PKHD1: variants seen among roughly 807,000 people sequenced by gnomAD.
PKHD1 encodes fibrocystin.
A neutral mutation model predicts 412.0 loss-of-function variants in PKHD1; 291 were observed. That is an observed-to-expected ratio of 0.71 (90% CI 0.64 to 0.78). PKHD1 has a LOEUF of 0.78. PKHD1 is among the 30% of genes least tolerant of loss of function. The pLI, the probability that PKHD1 is intolerant of heterozygous loss-of-function variation, is 0.00. For missense variants in PKHD1, 4,825 were observed against 4,950.7 expected (o/e 0.97, Z 0.76); for synonymous variants, 1,777 against 1,821.5 (o/e 0.98, Z 0.62).
rs200986136 is a variant in PKHD1 at position 52,033,153 on chromosome 6, G to A, written c.3241C>T (p.Arg1081Cys). 1.7e-4 allele frequency: 273 copies of A among 1,612,286 alleles called. 1 individual carries two copies. The highest frequency in any genetic ancestry group is 4.0e-4 in the East Asian group (18 of 44,846). The change falls in exon 29 of 67, where the codon CGC becomes TGC. Residue 1081 changes from arginine (R) to cysteine (C), a missense_variant. Physicochemically the swap from Arg to Cys is radical, Grantham distance 180 (BLOSUM62 -3). Transcript: ENST00000371117. ...CTGATCACAGTCACATTCACAATGCGTCCATCTTTCCCCTGAAAAATCAAT... is the reference window on the plus strand; with the variant it reads ...CTGATCACAGTCACATTCACAATGCATCCATCTTTCCCCTGAAAAATCAAT... ...CKVPPRGKDG[R>C]IVNVTVIRGD...
chr6:52,034,881 A>G (rs1803688138), intron 28 of PKHD1, among the ~76,000 whole-genome samples: 1 of 152,216 alleles, frequency 6.6e-6, no homozygotes, highest in Admixed American at 6.5e-5. Flanking sequence ...TAGTGATCAA[A>G]GAATATTTTG....
chr6:51,794,792 G>C (rs886666051), intron 52 of PKHD1, among the ~76,000 whole-genome samples: 1 of 152,114 alleles, frequency 6.6e-6, no homozygotes, highest in African/African-American at 2.4e-5. Context: ...TTCCCCCACT[G>C]CTTGTTTTTT....
At chr6:51,695,376 C>T (rs1332815282) in intron 60 of PKHD1, among the ~76,000 whole-genome samples, 1 of 152,118 alleles carries the variant, frequency 6.6e-6, no homozygotes, top group African/African-American at 2.4e-5. Flanking sequence ...GCACTTAATA[C>T]TGTTATTCCT....
At chr6:51,862,116 G>A (rs552157656) in intron 48 of PKHD1, among the ~76,000 whole-genome samples, 1 of 152,302 alleles carries the variant, frequency 6.6e-6, no homozygotes, top group South Asian at 2.1e-4. Context: ...CTGTGATGGG[G>A]ATGACTGACA....
chr6:51,855,984 A>G lies in PKHD1; in HGVS notation c.7820T>C (p.Leu2607Ser). The G allele has an allele frequency of 1.2e-6, 2 of 1,610,862 alleles. No individual in the cohort carries two copies. Among genetic ancestry groups the G allele is most frequent in the South Asian group, 1.1e-5 (1 of 90,980 alleles). The change falls in exon 49 of 67, where the codon TTG (leucine) becomes TCG (serine). Residue 2607 changes from leucine to serine, a missense_variant. Physicochemically the swap from Leu to Ser is moderately radical, Grantham distance 145. Transcript: ENST00000371117. ...TTTVNYVRDT[L>S]SNPRGWMALL... ...AGCCATCCAGCCACGAGGGTTAGACAATGTATCACGTACATAATTGACAGT... is the reference window on the plus strand; with the variant it reads ...AGCCATCCAGCCACGAGGGTTAGACGATGTATCACGTACATAATTGACAGT...
chr6:52,049,882 G>T (rs557326731), intron 22 of PKHD1, among the ~76,000 whole-genome samples: 2 of 152,272 alleles, frequency 1.3e-5, no homozygotes, highest in South Asian at 4.1e-4. Context: ...TCAAAGCGTA[G>T]TCCCCAGACC....
At chr6:51,650,071 A>G (rs1770689757) in intron 61 of PKHD1, among the ~76,000 whole-genome samples, 3 of 152,184 alleles carry the variant, frequency 2.0e-5, no homozygotes, top group African/African-American at 7.2e-5. Flanking sequence ...TCCTACAAAT[A>G]GTAAGTGTTG....
intron 35 of PKHD1, among the ~76,000 whole-genome samples, chr6:51,984,627 G>C (rs1417722293): frequency 6.6e-6 from 1 of 152,202 alleles, no homozygotes; most frequent in Admixed American, 6.5e-5. Context: ...ATATCAGTAT[G>C]AAATTCAGAA....
Position 52,053,192 on chromosome 6 carries a change from T to C in PKHD1, c.2024A>G (p.Gln675Arg). Reference sequence around the variant, plus strand: ...CACTGGGGAGTTTGCCGGAGGGGGCTGGAGATCCCCGAAGCAACGCACACA... The same window carrying C: ...CACTGGGGAGTTTGCCGGAGGGGGCCGGAGATCCCCGAAGCAACGCACACA... Reference protein sequence around the residue: ...ETCVRCFGDLQPPPANSPVLV... With the variant: ...ETCVRCFGDLRPPPANSPVLV... The change falls in exon 21 of 67, where the codon CAG becomes CGG. Residue 675 changes from glutamine to arginine, a missense_variant. Coordinates refer to ENST00000371117, the MANE Select transcript of PKHD1 (RefSeq NM_138694.4). 2 of 1,614,166 alleles carry C rather than the reference T, an allele frequency of 1.2e-6. No individual in the cohort carries two copies. Among genetic ancestry groups the C allele is most frequent in the Non-Finnish European group, 1.7e-6 (2 of 1,180,002 alleles).
At chr6:51,635,819 A>T (rs1467380315) in intron 64 of PKHD1, among the ~76,000 whole-genome samples, 16 of 121,536 alleles carry the variant, frequency 1.3e-4, no homozygotes. Flanking sequence ...TGGCAACCAC[A>T]GGTAGAGTTT....
intron 52 of PKHD1, among the ~76,000 whole-genome samples, chr6:51,812,831 A>G (rs1764903337): frequency 6.6e-6 from 1 of 152,178 alleles, no homozygotes; most frequent in Non-Finnish European, 1.5e-5. Flanking sequence ...AAGGGTAGTC[A>G]CCTAAAGACT....
At chr6:51,849,640 G>A (rs1407977473) in intron 49 of PKHD1, among the ~76,000 whole-genome samples, 2 of 152,128 alleles carry the variant, frequency 1.3e-5, no homozygotes, top group Non-Finnish European at 2.9e-5. Flanking sequence ...TTTCTCTGAT[G>A]ATCAATGATG....
In PKHD1 at chr6:51,713,426, C is replaced by A. The variant is rs545227750; in HGVS notation, c.10156+30959G>T. Among the ~76,000 whole-genome samples, 8 of 152,316 alleles carry A rather than the reference C, an allele frequency of 5.3e-5. No homozygotes were observed. In the East Asian group the frequency reaches 1.5e-3, roughly 29 times the overall value. Reference sequence around the variant, plus strand: ...TGGCTTTGGATCATTTTCCTTGACTCCTCCTCCTCTACTCACTATGAAGCC... The same window carrying A: ...TGGCTTTGGATCATTTTCCTTGACTACTCCTCCTCTACTCACTATGAAGCC... On this transcript the variant is annotated intron_variant, in intron 60 of 66. Transcript: ENST00000371117.
intron 46 of PKHD1, among the ~76,000 whole-genome samples, chr6:51,874,917 G>T (rs1269693890): frequency 1.2e-5 from 1 of 84,792 alleles, no homozygotes; most frequent in African/African-American, 5.0e-5. Context: ...CACCGTGCGC[G>T]AGCCGAAGCA....
rs945815475 is a variant in PKHD1, at chr6:51,618,844, C to T, written c.*237G>A. The stretch of plus-strand genomic sequence containing the variant: ...AAAACTGGTAAATAATTAACAAGTG[C>T]CATTATTTGCCTAGCATTGAACTAG... On this transcript the variant is annotated 3_prime_UTR_variant, in exon 67 of 67. Transcript: ENST00000371117. 1.8e-6 allele frequency: 1 copy of T among 560,312 alleles called. No individual in the cohort carries two copies. The highest frequency in any genetic ancestry group is 3.2e-6 in the Non-Finnish European group (1 of 313,584). 34.7% of individuals were successfully genotyped at this position (560,312 alleles called of 1,614,324 possible).
intron 35 of PKHD1, among the ~76,000 whole-genome samples, chr6:51,968,996 T>A (rs895952548): frequency 6.6e-6 from 1 of 152,174 alleles, no homozygotes; most frequent in African/African-American, 2.4e-5. Flanking sequence ...ATGATTAGGT[T>A]ATGTTATATG....
chr6:51,661,060 AC>A (rs1286537709), intron 60 of PKHD1, among the ~76,000 whole-genome samples: 1 of 152,122 alleles, frequency 6.6e-6, no homozygotes, highest in Admixed American at 6.6e-5. Context: ...TATTCCTATC[AC>A]CCAGGAAATT....
Position 52,024,984 on chromosome 6 carries a change from T to G in PKHD1, c.4826A>C (p.Asp1609Ala). ...GTTCACCGTCAGGCAGGTCTGCTGG[T>G]CAATATAGACTGACGTGGTGTTCTG... ...RGQNTTSVYIDQQTCLTVNIG... is the reference protein window; with the variant it reads ...RGQNTTSVYIAQQTCLTVNIG... Residue 1609 changes from aspartate to alanine, a missense_variant, in exon 32 of 67, where the codon GAC becomes GCC. Transcript: ENST00000371117. 6.2e-7 allele frequency: 1 copy of G among 1,614,200 alleles called. No homozygotes were observed. The highest frequency in any genetic ancestry group is 1.1e-5 in the South Asian group (1 of 91,084).
rs1208378303 is a variant in PKHD1, at chr6:52,025,255, ATACCATCGGCTCATCAGC to A, written c.4537_4554del (p.Ala1513_Val1518del). 1.9e-6 allele frequency: 3 copies of A among 1,614,112 alleles called. No homozygotes were observed. Among genetic ancestry groups the A allele is most frequent in the Non-Finnish European group, 2.5e-6 (3 of 1,180,024 alleles). ...TTGCAAGGAAGTTGATCATCCACAA[ATACCATCGGCTCATCAGC>A]TGTGGTGGCTAACCTCTGACCCCTA... On this transcript the variant is annotated inframe_deletion, in exon 32 of 67. Transcript: ENST00000371117.
Sources: allele counts gnomAD v4.1 joint callset (sites outside exome capture counted in the v4.1 genomes callset), GRCh38; gene constraint gnomAD v4.1.1; transcripts MANE v1.5; gene names NCBI Gene and HGNC (gene_info 2026-07-23, HGNC 2026-07-21).